Variants in CNBD1 observed in about 807,000 individuals in gnomAD.
The protein encoded by CNBD1 is cyclic nucleotide binding domain containing 1, also known as cyclic nucleotide-binding domain-containing protein 1.
Under a neutral mutation model 54.4 loss-of-function variants are expected in CNBD1, and 71 were observed. The observed-to-expected ratio is 1.30, with a 90% CI of 1.08 to 1.59. The LOEUF (loss-of-function observed/expected upper bound fraction) is 1.59. Ranked by LOEUF, CNBD1 falls within the 40% of genes most tolerant of loss-of-function variation. The pLI is 0.00. For synonymous variants in CNBD1, 182 were observed against 170.7 expected, an observed-to-expected ratio of 1.07 and a Z score of -0.51; for missense variants, 659 against 518.0, an observed-to-expected ratio of 1.27 and a Z score of -2.64.
chr8:87,046,744 A>C (rs1359493241), intron 4 of CNBD1, among the ~76,000 whole-genome samples: 1 of 152,178 alleles, frequency 6.6e-6, no homozygotes, highest in East Asian at 1.9e-4. Flanking sequence ...TCTACACACT[A>C]GGTGGGAAGG....
intron 6 of CNBD1, among the ~76,000 whole-genome samples, chr8:87,239,907 C>T (rs978806805): frequency 3.9e-5 from 6 of 151,914 alleles, no homozygotes; most frequent in African/African-American, 1.2e-4. Context: ...AAAAATTACA[C>T]ATTTATTTAC....
chr8:86,973,964 G>A (rs1400639245), intron 4 of CNBD1, among the ~76,000 whole-genome samples: 1 of 152,008 alleles, frequency 6.6e-6, no homozygotes, highest in Admixed American at 6.6e-5. Flanking sequence ...ATTGACTATT[G>A]TACAAATAAA....
rs916014798 is a variant in CNBD1 at position 87,079,012 on chromosome 8, A to G, written c.432-126981A>G. On this transcript the variant is annotated intron_variant, in intron 4 of 10. Transcript: ENST00000518476. The stretch of plus-strand genomic sequence containing the variant: ...GTTTCATTATGCCCATAGGCAGTCT[A>G]TCCCCCCCTTTTTTTCTAGACCCAG... Among the ~76,000 whole-genome samples the G allele has an allele frequency of 1.3e-4, 20 of 152,044 alleles. No homozygotes were observed. The East Asian group carries it at 3.5e-3, about 27-fold the overall frequency.
At chr8:87,343,118 T>G (rs1234280335) in intron 8 of CNBD1, among the ~76,000 whole-genome samples, 2 of 152,210 alleles carry the variant, frequency 1.3e-5, no homozygotes, top group African/African-American at 2.4e-5. Context: ...CTACTTGCTT[T>G]CTGCAAGAAG....
chr8:87,303,864 C>T (rs1314424635), intron 8 of CNBD1, among the ~76,000 whole-genome samples: 3 of 152,144 alleles, frequency 2.0e-5, no homozygotes, highest in Non-Finnish European at 4.4e-5. Flanking sequence ...AGATATTAAA[C>T]AGCCAAAAGA....
chr8:86,993,441 A>G (rs1293265709), intron 4 of CNBD1, among the ~76,000 whole-genome samples: 1 of 152,000 alleles, frequency 6.6e-6, no homozygotes, highest in Non-Finnish European at 1.5e-5. Context: ...CTGATTCTGA[A>G]TTCTATTTTT....
chr8:86,955,018 G>A lies in CNBD1; in HGVS notation c.431+15264G>A, dbSNP rs956276639. ...TCCATGACAGGCCCCAGTGTGTGATGTTCCCCACCCTGTGTCCAAGTGTTC... is the reference window on the plus strand; with the variant it reads ...TCCATGACAGGCCCCAGTGTGTGATATTCCCCACCCTGTGTCCAAGTGTTC... On this transcript the variant is annotated intron_variant, in intron 4 of 10. Coordinates refer to ENST00000518476, the MANE Select transcript of CNBD1 (RefSeq NM_173538.3). Among the ~76,000 whole-genome samples, 3 of 133,750 alleles carry A rather than the reference G, an allele frequency of 2.2e-5. No homozygotes were observed. In the South Asian group the frequency reaches 7.0e-4, roughly 31 times the overall value. The allele number at this position is 133,750 out of a possible 152,430, so 87.7% of individuals were successfully genotyped here.
chr8:87,132,071 CTTA>C (rs1372941117), intron 4 of CNBD1, among the ~76,000 whole-genome samples: 2 of 151,544 alleles, frequency 1.3e-5, no homozygotes, highest in Non-Finnish European at 3.0e-5. Context: ...TTTTGTTTGC[CTTA>C]TTTTTATATG....
intron 6 of CNBD1, among the ~76,000 whole-genome samples, chr8:87,282,131 TC>T (rs1808612806): frequency 6.6e-6 from 1 of 151,780 alleles, no homozygotes; most frequent in South Asian, 2.1e-4. Context: ...GTACTTTTTT[TC>T]AACTTGTATA....
At chr8:86,961,396 C>T (rs1031955071) in intron 4 of CNBD1, among the ~76,000 whole-genome samples, 1 of 152,212 alleles carries the variant, frequency 6.6e-6, no homozygotes, top group South Asian at 2.1e-4. Context: ...TTAAAACAGG[C>T]CCCCTGCTTA....
chr8:87,359,145 C>A lies in CNBD1; in HGVS notation c.1303+5359C>A, dbSNP rs532794592. 9.9e-5 allele frequency among the ~76,000 whole-genome samples: 15 copies of A among 152,272 alleles called. No individual in the cohort carries two copies. The East Asian group carries it at 2.7e-3, about 27-fold the overall frequency. ...GTTTCTTTTAGTCACTTAATAGAAT[C>A]TCCTTTGTCATCTGGCAGCCTAACA... On this transcript the variant is annotated intron_variant, in intron 10 of 10. Transcript: ENST00000518476.
intron 8 of CNBD1, among the ~76,000 whole-genome samples, chr8:87,300,441 A>G (rs1808965519): frequency 6.6e-6 from 1 of 152,172 alleles, no homozygotes; most frequent in African/African-American, 2.4e-5. Flanking sequence ...TAAAAAATCT[A>G]AAGTTATGCA....
chr8:87,193,061 A>G (rs186760216), intron 4 of CNBD1, among the ~76,000 whole-genome samples: 1 of 152,320 alleles, frequency 6.6e-6, no homozygotes, highest in Admixed American at 6.5e-5. Context: ...ATAAAACAAA[A>G]TAACCACAGA....
chr8:87,417,533 A>T (rs1807857383), intron 2 of CNBD1, among the ~76,000 whole-genome samples: 1 of 152,066 alleles, frequency 6.6e-6, no homozygotes, highest in Non-Finnish European at 1.5e-5. Context: ...TCCAGATTGG[A>T]ATAGAATTAA....
intron 4 of CNBD1, among the ~76,000 whole-genome samples, chr8:86,989,667 T>G (rs1808697118): frequency 6.6e-6 from 1 of 152,110 alleles, no homozygotes; most frequent in African/African-American, 2.4e-5. Context: ...CCCAGGCTGG[T>G]CTCTAACTCC....
At chr8:87,374,817 A>C (rs1399891075) in intron 10 of CNBD1, among the ~76,000 whole-genome samples, 2 of 150,200 alleles carry the variant, frequency 1.3e-5, no homozygotes, top group Admixed American at 6.6e-5. Flanking sequence ...GCTCAGAAAA[A>C]TAGCTTAGCT....
chr8:87,115,041 G>A (rs1446917737), intron 4 of CNBD1, among the ~76,000 whole-genome samples: 1 of 152,192 alleles, frequency 6.6e-6, no homozygotes, highest in East Asian at 1.9e-4. Context: ...GCTGCATAAT[G>A]AGGTTACTTT....
At chr8:87,413,058 A>G (rs1807775317) in intron 2 of CNBD1, among the ~76,000 whole-genome samples, 1 of 151,888 alleles carries the variant, frequency 6.6e-6, no homozygotes, top group African/African-American at 2.4e-5. Flanking sequence ...ATGTATTCTA[A>G]AAGATTTAGG....
intron 5 of CNBD1, among the ~76,000 whole-genome samples, chr8:87,235,742 G>A (rs1347095729): frequency 3.3e-5 from 5 of 152,236 alleles, no homozygotes; most frequent in African/African-American, 9.6e-5. Flanking sequence ...CACAAAGTGA[G>A]CACATGCTGT....
Sources: gnomAD v4.1 joint callset for allele counts (sites outside exome capture counted in the v4.1 genomes callset) on GRCh38, gnomAD v4.1.1 for gene constraint, MANE v1.5 for transcripts, NCBI Gene and HGNC (gene_info 2026-07-23, HGNC 2026-07-21) for gene names.